Variants in PIK3C2G observed in about 807,000 individuals in gnomAD.
PIK3C2G encodes the protein phosphatidylinositol 3-kinase C2 domain-containing subunit gamma.
Under a neutral mutation model 181.1 loss-of-function variants are expected in PIK3C2G, and 168 were observed. That is an observed-to-expected ratio of 0.93 (90% confidence interval 0.82 to 1.05). The LOEUF is 1.05. Among genes scored for constraint, PIK3C2G ranks in the 50% least tolerant of loss-of-function variants. PIK3C2G has a pLI of 0.00. For synonymous variants in PIK3C2G, 573 were observed against 592.2 expected (o/e 0.97, Z 0.47); for missense variants, 1,869 against 1,732.8 (o/e 1.08, Z -1.40).
At chr12:18,376,651 C>A (rs1942460108) in intron 13 of PIK3C2G, among the ~76,000 whole-genome samples, 1 of 152,124 alleles carries the variant, frequency 6.6e-6, no homozygotes, top group South Asian at 2.1e-4. Flanking sequence ...TTGTTTCCTC[C>A]AAATCTTGTG....
intron 19 of PIK3C2G, among the ~76,000 whole-genome samples, chr12:18,490,409 A>T (rs1388184235): frequency 1.3e-5 from 2 of 152,152 alleles, no homozygotes; most frequent in Non-Finnish European, 2.9e-5. Flanking sequence ...TTCAATTTTA[A>T]AATGCACAAA....
chr12:18,588,928 C>T (rs963403318), intron 29 of PIK3C2G, among the ~76,000 whole-genome samples: 1 of 152,068 alleles, frequency 6.6e-6, no homozygotes, highest in Non-Finnish European at 1.5e-5. Flanking sequence ...AGAGCAAGAT[C>T]ATGTCCTCTT....
chr12:18,339,424 A>AGT (rs1215024780), intron 9 of PIK3C2G, among the ~76,000 whole-genome samples: 1 of 151,956 alleles, frequency 6.6e-6, no homozygotes, highest in Non-Finnish European at 1.5e-5. Context: ...CAACACTTAC[A>AGT]GTGTGTGTGT....
intron 8 of PIK3C2G, among the ~76,000 whole-genome samples, chr12:18,333,147 C>T (rs1938155853): frequency 6.6e-6 from 1 of 152,166 alleles, no homozygotes; most frequent in South Asian, 2.1e-4. Flanking sequence ...CTCTTTGGAG[C>T]AGTTTTCACT....
the PIK3C2G span, among the ~76,000 whole-genome samples, chr12:18,711,285 C>A: frequency 6.9e-6 from 1 of 145,194 alleles, no homozygotes; most frequent in Non-Finnish European, 1.5e-5. Context: ...ATCGCAAGGA[C>A]AAAAAACCAA....
intron 29 of PIK3C2G, among the ~76,000 whole-genome samples, chr12:18,586,124 T>C (rs959763540): frequency 6.6e-6 from 1 of 151,854 alleles, no homozygotes; most frequent in African/African-American, 2.4e-5. Flanking sequence ...CAACCTAACA[T>C]CACAACTAAA....
chr12:18,427,544 A>G (rs1410747170), intron 18 of PIK3C2G, among the ~76,000 whole-genome samples: 1 of 151,130 alleles, frequency 6.6e-6, no homozygotes, highest in East Asian at 1.9e-4. Context: ...TTAAAAATAT[A>G]ATAAAATATT....
At chr12:18,414,698 A>C (rs1450776245) in intron 16 of PIK3C2G, among the ~76,000 whole-genome samples, 3 of 152,222 alleles carry the variant, frequency 2.0e-5, no homozygotes, top group African/African-American at 7.2e-5. Context: ...TAGATCAAAA[A>C]AAATAAGCAC....
chr12:18,409,095 C>T (rs965287106), intron 16 of PIK3C2G, among the ~76,000 whole-genome samples: 1 of 152,044 alleles, frequency 6.6e-6, no homozygotes, highest in African/African-American at 2.4e-5. Flanking sequence ...GACACATGCA[C>T]ATGTATGTTT....
chr12:18,446,578 C>T (rs1947041912), intron 18 of PIK3C2G, among the ~76,000 whole-genome samples: 1 of 152,070 alleles, frequency 6.6e-6, no homozygotes, highest in Non-Finnish European at 1.5e-5. Flanking sequence ...TTTTAACAGT[C>T]CCATTAAACC....
intron 10 of PIK3C2G, among the ~76,000 whole-genome samples, chr12:18,345,720 AAT>A (rs1491224948): frequency 6.6e-6 from 1 of 152,170 alleles, no homozygotes; most frequent in Non-Finnish European, 1.5e-5. Context: ...ATTTTCTTTT[AAT>A]TTTTTTTTAC....
rs866729032 is a variant in PIK3C2G, at chr12:18,341,364, T to C, written c.1396-1963T>C. Reference sequence around the variant, plus strand: ...TTCACATTTCACTTTCCTTATGTACTAGTATAAACACAAAATTTTGTGTGA... The same window carrying C: ...TTCACATTTCACTTTCCTTATGTACCAGTATAAACACAAAATTTTGTGTGA... On this transcript the variant is annotated intron_variant, in intron 9 of 32. Transcript: ENST00000538779. 2.0e-5 allele frequency among the ~76,000 whole-genome samples: 3 copies of C among 152,174 alleles called. No individual in the cohort carries two copies. In the South Asian group the frequency reaches 6.2e-4, roughly 31 times the overall value.
rs77398423 is a variant in PIK3C2G, at chr12:18,447,342, T to C, written c.2504+23303T>C. ...AGAAAGTAACCATGACAGATTTTTGTCCAGACAGATGTTCAGTGGTTATCT... is the reference window on the plus strand; with the variant it reads ...AGAAAGTAACCATGACAGATTTTTGCCCAGACAGATGTTCAGTGGTTATCT... On this transcript the variant is annotated intron_variant, in intron 18 of 32. Transcript: ENST00000538779. Among the ~76,000 whole-genome samples the C allele has an allele frequency of 2.2e-4, 34 of 152,328 alleles. No homozygotes were observed. In the East Asian group the frequency reaches 6.6e-3, roughly 29 times the overall value.
At chr12:18,685,800 C>T in the PIK3C2G span, 1 of 343,818 alleles carries the variant, frequency 2.9e-6, no homozygotes, top group African/African-American at 2.1e-5. Flanking sequence ...CCTCTGCCTC[C>T]CTTCCATCCT....
chr12:18,405,155 GAT>G (rs1473088121), intron 16 of PIK3C2G, among the ~76,000 whole-genome samples: 3 of 152,140 alleles, frequency 2.0e-5, no homozygotes, highest in Non-Finnish European at 4.4e-5. Context: ...TTCTATTCTG[GAT>G]ATGTCACATT....
chr12:18,536,741 T>A (rs919238426), intron 24 of PIK3C2G, among the ~76,000 whole-genome samples: 27 of 152,096 alleles, frequency 1.8e-4, no homozygotes, highest in African/African-American at 6.0e-4. Context: ...TCTCCCAGCT[T>A]GGCTAAAGTC....
chr12:18,648,117 TTGTCAAAGAC>T lies in PIK3C2G; in HGVS notation c.*90_*99del. 1.3e-6 allele frequency: 1 copy of T among 754,630 alleles called. No homozygotes were observed. Among genetic ancestry groups the T allele is most frequent in the Admixed American group, 3.3e-5 (1 of 30,246 alleles). 46.7% of individuals were successfully genotyped at this position (754,630 alleles called of 1,614,324 possible). Reference sequence around the variant, plus strand: ...GAATCACATAAGTAAGGCATCTTTGTTGTCAAAGACAGCACAGGGTATTAAGGACACAGAA... The same window carrying T: ...GAATCACATAAGTAAGGCATCTTTGTAGCACAGGGTATTAAGGACACAGAA... On this transcript the variant is annotated 3_prime_UTR_variant, in exon 33 of 33. Transcript: ENST00000538779.
chr12:18,501,845 A>G (rs749116797), intron 22 of PIK3C2G, among the ~76,000 whole-genome samples: 5 of 152,218 alleles, frequency 3.3e-5, no homozygotes, highest in Non-Finnish European at 5.9e-5. Context: ...GCAGCAAAGT[A>G]TCCAAAAAGG....
At chr12:18,614,651 T>G (rs1948506955) in intron 31 of PIK3C2G, among the ~76,000 whole-genome samples, 1 of 152,170 alleles carries the variant, frequency 6.6e-6, no homozygotes, top group Non-Finnish European at 1.5e-5. Flanking sequence ...TTTCCAGTAT[T>G]CAGGGCTTTA....
Sources: allele counts gnomAD v4.1 joint callset (sites outside exome capture counted in the v4.1 genomes callset), GRCh38; gene constraint gnomAD v4.1.1; transcripts MANE v1.5; gene names NCBI Gene and HGNC (gene_info 2026-07-23, HGNC 2026-07-21).